NCKAP5: variants seen among roughly 807,000 people sequenced by gnomAD.
NCKAP5 encodes NCK associated protein 5.
A neutral mutation model predicts 167.0 loss-of-function variants in NCKAP5; 92 were observed. The ratio of observed to expected loss-of-function variants is 0.55; its 90% CI spans 0.47 to 0.66. NCKAP5 has a LOEUF of 0.66. NCKAP5 is among the 30% of genes least tolerant of loss of function. The pLI is 0.00. For synonymous variants in NCKAP5, 891 were observed against 877.4 expected, an observed-to-expected ratio of 1.02 and a Z score of -0.27; for missense variants, 2,378 against 2,315.0, an observed-to-expected ratio of 1.03 and a Z score of -0.56.
intron 11 of NCKAP5, among the ~76,000 whole-genome samples, chr2:132,831,168 G>A (rs1312994537): frequency 5.3e-5 from 8 of 152,148 alleles, no homozygotes; most frequent in Admixed American, 2.6e-4. Flanking sequence ...TCCATCACAC[G>A]GAAGAACCAT....
chr2:132,769,866 T>G (rs564963169), intron 16 of NCKAP5, among the ~76,000 whole-genome samples: 30 of 152,232 alleles, frequency 2.0e-4, no homozygotes, highest in African/African-American at 7.2e-4. Context: ...GTGCTGGGAG[T>G]CAATTTGCAA....
chr2:133,570,527 A>G (rs11693982), upstream of NCKAP5, among the ~76,000 whole-genome samples: 75,162 of 151,934 alleles, frequency 0.49, 19,420 homozygotes, highest in South Asian at 0.59. Flanking sequence ...TTCATTTCTG[A>G]TCCAAGGACC....
rs529287152 is a variant in NCKAP5, at chr2:133,050,317, C to CA, written c.342-56079dup. On this transcript the variant is annotated intron_variant, in intron 6 of 19. Coordinates refer to ENST00000409261, the MANE Select transcript of NCKAP5 (RefSeq NM_207363.3). ...GGTGGGAAGGGGAAAAGACTAAAAA[C>CA]AAAAAAAAAATGGGGGAGAAAACAA... Among the ~76,000 whole-genome samples, 357 of 136,262 alleles carry CA rather than the reference C, an allele frequency of 2.6e-3. 6 individuals are homozygous for CA. The highest frequency in any genetic ancestry group is 0.011 in the Middle Eastern group (3 of 278). 89.4% of individuals were successfully genotyped at this position (136,262 alleles called of 152,430 possible).
chr2:132,895,318 C>A, intron 8 of NCKAP5, among the ~76,000 whole-genome samples: 1 of 118,920 alleles, frequency 8.4e-6, no homozygotes, highest in African/African-American at 3.2e-5. Context: ...AGACTGGAGT[C>A]TTTGAGACTT....
At chr2:133,073,166 T>C (rs548373227) in intron 6 of NCKAP5, among the ~76,000 whole-genome samples, 1 of 152,226 alleles carries the variant, frequency 6.6e-6, no homozygotes, top group African/African-American at 2.4e-5. Context: ...ATCAAGGAAA[T>C]CCAATACTTT....
intron 3 of NCKAP5, among the ~76,000 whole-genome samples, chr2:133,416,778 G>A (rs1052460259): frequency 2.2e-4 from 34 of 152,044 alleles, no homozygotes; most frequent in African/African-American, 3.4e-4. Flanking sequence ...TCACCATTCC[G>A]AGCTTAGGAT....
intron 5 of NCKAP5, among the ~76,000 whole-genome samples, chr2:133,202,602 C>T (rs902633647): frequency 1.4e-4 from 21 of 152,206 alleles, no homozygotes; most frequent in African/African-American, 4.1e-4. Context: ...GAACAGGCAA[C>T]CTGCAGAATG....
intron 16 of NCKAP5, among the ~76,000 whole-genome samples, chr2:132,771,173 AGGTGTGTT>A (rs1331535475): frequency 6.6e-6 from 1 of 152,180 alleles, no homozygotes; most frequent in African/African-American, 2.4e-5. Context: ...TGACAGTCCT[AGGTGTGTT>A]ATTGCTTCTG....
At chr2:132,792,211 C>G (rs377575885) in intron 12 of NCKAP5, among the ~76,000 whole-genome samples, 37 of 152,154 alleles carry the variant, frequency 2.4e-4, no homozygotes, top group African/African-American at 8.7e-4. Flanking sequence ...TTTAAGTGAT[C>G]TAAAAATGCC....
chr2:133,466,920 T>C (rs2151260812), intron 3 of NCKAP5, among the ~76,000 whole-genome samples: 1 of 152,278 alleles, frequency 6.6e-6, no homozygotes, highest in East Asian at 1.9e-4. Context: ...GCTGAGATAA[T>C]GGGTTTTCTA....
chr2:132,699,421 C>T (rs994851351), intron 19 of NCKAP5, among the ~76,000 whole-genome samples: 2 of 152,022 alleles, frequency 1.3e-5, no homozygotes, highest in African/African-American at 4.8e-5. Context: ...TGTTGGTGTG[C>T]TGCACCTGTT....
intron 11 of NCKAP5, among the ~76,000 whole-genome samples, chr2:132,844,191 G>A (rs552555496): frequency 9.2e-5 from 14 of 152,170 alleles, no homozygotes; most frequent in African/African-American, 3.4e-4. Context: ...AAAGGTACAT[G>A]TGTTCTCACA....
chr2:133,661,868 ATTG>A, the NCKAP5 span, among the ~76,000 whole-genome samples: 1 of 152,322 alleles, frequency 6.6e-6, no homozygotes, highest in African/African-American at 2.4e-5. Context: ...CTTTATAAGC[ATTG>A]TAATCTTCTG....
chr2:132,947,969 C>A (rs1238326669), intron 8 of NCKAP5, among the ~76,000 whole-genome samples: 1 of 152,120 alleles, frequency 6.6e-6, no homozygotes, highest in African/African-American at 2.4e-5. Context: ...CTCAACTCAC[C>A]CTGACCTGAG....
intron 3 of NCKAP5, among the ~76,000 whole-genome samples, chr2:133,476,831 T>C (rs16825495): frequency 0.034 from 5,223 of 152,328 alleles, 301 homozygotes; most frequent in African/African-American, 0.12. Context: ...CCGGATCCTC[T>C]AACATAAAGT....
chr2:133,414,074 T>C (rs1688950178), intron 3 of NCKAP5, among the ~76,000 whole-genome samples: 1 of 152,098 alleles, frequency 6.6e-6, no homozygotes. Context: ...AAGAACCACT[T>C]AGGATGGGTT....
the NCKAP5 span, among the ~76,000 whole-genome samples, chr2:133,613,697 A>G: frequency 7.2e-5 from 11 of 152,048 alleles, no homozygotes; most frequent in African/African-American, 2.4e-4. Flanking sequence ...CTCTGCCCAC[A>G]TGCGGACTGG....
chr2:133,512,504 G>A (rs1683581574), intron 3 of NCKAP5, among the ~76,000 whole-genome samples: 1 of 152,182 alleles, frequency 6.6e-6, no homozygotes, highest in Admixed American at 6.5e-5. Flanking sequence ...TTGATCATGT[G>A]TCTTCAGAGG....
At chr2:133,619,526 A>G in the NCKAP5 span, among the ~76,000 whole-genome samples, 7 of 151,906 alleles carry the variant, frequency 4.6e-5, no homozygotes, top group African/African-American at 1.7e-4. Context: ...AATTAACCCA[A>G]CCCAACAAAG....
Sources: allele counts gnomAD v4.1 joint callset (sites outside exome capture counted in the v4.1 genomes callset), GRCh38; gene constraint gnomAD v4.1.1; transcripts MANE v1.5; gene names NCBI Gene and HGNC (gene_info 2026-07-23, HGNC 2026-07-21).